PARP4: variants seen among roughly 807,000 people sequenced by gnomAD.
The protein encoded by PARP4 is protein mono-ADP-ribosyltransferase PARP4.
In PARP4, 120 loss-of-function variants were observed where a neutral mutation model predicts 187.7. That is an observed-to-expected ratio of 0.64 (90% CI 0.55 to 0.74). The LOEUF (loss-of-function observed/expected upper bound fraction) is 0.74, where lower values mean the gene tolerates loss of function less well. PARP4 is among the 30% of genes least tolerant of loss of function. The probability of loss-of-function intolerance (pLI) is 0.00; values close to 1 mark genes in which losing one functional copy is unlikely to be tolerated. For missense variants in PARP4, 1,836 were observed against 2,070.5 expected (o/e 0.89, Z 2.20); for synonymous variants, 654 against 740.9 (o/e 0.88, Z 1.90).
chr13:24,436,869 T>G (rs1870664201), intron 30 of PARP4, among the ~76,000 whole-genome samples: 1 of 152,198 alleles, frequency 6.6e-6, no homozygotes, highest in South Asian at 2.1e-4. Flanking sequence ...CTCAGTCAAA[T>G]TTCAAGTTTA....
intron 3 of PARP4, 33 bp downstream of exon 3, chr13:24,501,600 T>C (rs1382964957): frequency 3.4e-6 from 5 of 1,450,430 alleles, no homozygotes; most frequent in Non-Finnish European, 2.9e-6. Flanking sequence ...ATGGCACCTA[T>C]GATACGTTAA....
intron 11 of PARP4, 94 bp from the exon 12 acceptor site, chr13:24,484,842 C>G (rs1316521364): frequency 1.3e-6 from 1 of 763,494 alleles, no homozygotes; most frequent in African/African-American, 1.7e-5. Flanking sequence ...GAACTTCTGG[C>G]ATTCAGAGAA....
Position 24,459,366 on chromosome 13 carries a change from G to A in PARP4, c.2299-56C>T, listed in dbSNP as rs538831009. 1.9e-4 allele frequency: 271 copies of A among 1,427,966 alleles called. No individual in the cohort carries two copies. The African/African-American group carries it at 3.6e-3, about 19-fold the overall frequency. The allele number at this position is 1,427,966 out of a possible 1,614,324, so 88.5% of individuals were successfully genotyped here. ...AAGCATATATTAAGTTTCACAATGA[G>A]ACTAAAGTGAATGTAATCTTGGCAA... is the stretch of plus-strand genomic sequence containing the variant. On this transcript the variant is annotated intron_variant, in intron 18 of 33. Coordinates refer to ENST00000381989, the MANE Select transcript of PARP4 (RefSeq NM_006437.4).
At position 24,468,030 on chromosome 13, in the gene PARP4, C is replaced by T. The variant is rs563007301; in HGVS notation, c.2133+994G>A. Among the ~76,000 whole-genome samples, 5 of 152,250 alleles carry T rather than the reference C, an allele frequency of 3.3e-5. No individual in the cohort carries two copies. In the South Asian group the frequency reaches 1.0e-3, roughly 32 times the overall value. On this transcript the variant is annotated intron_variant, in intron 17 of 33. Transcript: ENST00000381989. ...TGTCTATATTAATCTTGAATGTGCC[C>T]CTAGCCCCAGCAAACATTAAATTTT...
Position 24,435,108 on chromosome 13 carries a change from G to A in PARP4, c.4033C>T (p.Arg1345Cys), listed in dbSNP as rs773881464. ...GCTGAACCGAAACTAGCTACCTGAC[G>A]ATATGAGGCAAAAGACAAGGAAGCA... ...SPASLSFASY[R>C]QVASFGSAAP... is the part of the protein sequence containing the mutation. Residue 1345 changes from arginine (R) to cysteine (C), a missense_variant, in exon 31 of 34, where the codon CGT becomes TGT. Coordinates refer to ENST00000381989, the MANE Select transcript of PARP4 (RefSeq NM_006437.4). 17 of 1,614,052 alleles carry A rather than the reference G, an allele frequency of 1.1e-5. No individual in the cohort carries two copies. Among genetic ancestry groups the A allele is most frequent in the South Asian group, 3.3e-5 (3 of 91,082 alleles).
At chr13:24,474,087 C>A (rs975150003) in intron 15 of PARP4, among the ~76,000 whole-genome samples, 1 of 152,178 alleles carries the variant, frequency 6.6e-6, no homozygotes, top group Non-Finnish European at 1.5e-5. Context: ...TGGCCCCCAA[C>A]CTGCCCTCCT....
chr13:24,426,638 T>G, intron 32 of PARP4, 40 bp from the exon 33 acceptor site: 1 of 1,580,978 alleles, frequency 6.3e-7, no homozygotes, highest in Non-Finnish European at 8.6e-7. Context: ...TTGGAAACTC[T>G]GCATCTCAAA....
At chr13:24,503,422 A>G (rs1379695537) in intron 2 of PARP4, among the ~76,000 whole-genome samples, 2 of 152,158 alleles carry the variant, frequency 1.3e-5, no homozygotes, top group African/African-American at 2.4e-5. Flanking sequence ...CAGGACATGT[A>G]GGATTGTCCT....
intron 1 of PARP4, among the ~76,000 whole-genome samples, chr13:24,510,648 C>T (rs986574363): frequency 1.3e-4 from 20 of 151,706 alleles, no homozygotes; most frequent in African/African-American, 4.6e-4. Context: ...TCATAGTTTC[C>T]CTAGAGTTGA....
Position 24,431,467 on chromosome 13 carries a change from A to G in PARP4, c.4756T>C (p.Trp1586Arg). 1 of 1,580,486 alleles carries G rather than the reference A, an allele frequency of 6.3e-7. No individual in the cohort carries two copies. The highest frequency in any genetic ancestry group is 1.2e-5 in the South Asian group (1 of 85,460). Residue 1586 changes from tryptophan (W) to arginine (R), a missense_variant, in exon 32 of 34, where the codon TGG becomes CGG. Coordinates refer to ENST00000381989, the MANE Select transcript of PARP4 (RefSeq NM_006437.4). ...AGTCCCAGTTCTGGTGTAAGTTTCCAGAAGCCATCCTACAAAATTAAGGAA... is the reference window on the plus strand; with the variant it reads ...AGTCCCAGTTCTGGTGTAAGTTTCCGGAAGCCATCCTACAAAATTAAGGAA... ...LLSLQTEDGFWKLTPELGLIL... is the reference protein window; with the variant it reads ...LLSLQTEDGFRKLTPELGLIL...
chr13:24,458,271 G>A (rs571678944), intron 20 of PARP4, among the ~76,000 whole-genome samples: 16 of 152,122 alleles, frequency 1.1e-4, no homozygotes, highest in South Asian at 4.2e-4. Flanking sequence ...CACCACACCC[G>A]GCTAATTTTT....
chr13:24,504,307 CTTTTTTTTTT>C (rs11434017), intron 1 of PARP4, among the ~76,000 whole-genome samples: 21 of 87,356 alleles, frequency 2.4e-4, no homozygotes, highest in Admixed American at 3.3e-4. Context: ...CATTTAGGTT[CTTTTTTTTTT>C]TTTTTTTTTT....
Position 24,453,606 on chromosome 13 carries a change from A to G in PARP4, c.2807T>C (p.Met936Thr), listed in dbSNP as rs4770684. The G allele has an allele frequency of 0.96, 1,544,659 of 1,602,430 alleles. 745,086 individuals carry two copies. Among genetic ancestry groups the G allele is most frequent in the East Asian group, 0.99 (44,214 of 44,758 alleles). The change falls in exon 23 of 34, where the codon ATG becomes ACG. Residue 936 changes from methionine (M) to threonine (T), a missense_variant. Met to Thr is a moderately conservative substitution (Grantham distance 81, BLOSUM62 -1). This residue lies in a region of PARP4 where 1,147 missense variants were observed against 1,214.2 expected (regional missense o/e 0.94). Transcript: ENST00000381989. ...SYPKHITSNT[M>T]AAEFIMSATP... is the part of the protein sequence containing the mutation. ...ACTCACCATGATGAACTCTGCTGCC[A>G]TGGTATTGCTTGTGATATGCTTAGG...
intron 32 of PARP4, 57 bp downstream of exon 32, chr13:24,431,320 G>C (rs1204594972): frequency 1.1e-6 from 1 of 909,868 alleles, no homozygotes; most frequent in African/African-American, 1.7e-5. Context: ...ACAATTAGGA[G>C]CATGCTTATT....
chr13:24,424,891 G>T (rs1398171280), intron 33 of PARP4, among the ~76,000 whole-genome samples: 2 of 151,114 alleles, frequency 1.3e-5, no homozygotes. Flanking sequence ...CACCATGTTA[G>T]CCAAGATGGT....
Position 24,501,813 on chromosome 13 carries a change from T to G in PARP4, c.154A>C (p.Asn52His). 1 of 1,609,900 alleles carries G rather than the reference T, an allele frequency of 6.2e-7. No homozygotes were observed. Among genetic ancestry groups the G allele is most frequent in the Non-Finnish European group, 8.5e-7 (1 of 1,176,222 alleles). Reference protein sequence around the residue: ...NPQCTHIILDNADVLSQYQLN... With the variant: ...NPQCTHIILDHADVLSQYQLN... ...TGGTACTGACTCAGAACATCAGCATTATCTAAGATTATATGTGTGCACTAA... is the reference window on the plus strand; with the variant it reads ...TGGTACTGACTCAGAACATCAGCATGATCTAAGATTATATGTGTGCACTAA... Residue 52 changes from asparagine (N) to histidine (H), a missense_variant, in exon 3 of 34, where the codon AAT becomes CAT. Asn to His is a moderately conservative substitution (Grantham distance 68). Coordinates refer to ENST00000381989, the MANE Select transcript of PARP4 (RefSeq NM_006437.4).
At chr13:24,465,242 G>C (rs181002374) in intron 17 of PARP4, among the ~76,000 whole-genome samples, 2 of 152,142 alleles carry the variant, frequency 1.3e-5, no homozygotes, top group Non-Finnish European at 2.9e-5. Context: ...CTTCCTCAAA[G>C]ACCTAGAACC....
chr13:24,506,644 G>A (rs1326510799), intron 1 of PARP4, among the ~76,000 whole-genome samples: 1 of 152,152 alleles, frequency 6.6e-6, no homozygotes, highest in Non-Finnish European at 1.5e-5. Flanking sequence ...GTTGATTGGT[G>A]TGTTTACAAA....
intron 24 of PARP4, among the ~76,000 whole-genome samples, chr13:24,451,044 T>A (rs1871490525): frequency 6.6e-6 from 1 of 152,100 alleles, no homozygotes; most frequent in African/African-American, 2.4e-5. Flanking sequence ...CCTGACCTCA[T>A]CACACTCCCT....
Sources: allele counts gnomAD v4.1 joint callset (sites outside exome capture counted in the v4.1 genomes callset), GRCh38; gene constraint gnomAD v4.1.1; regional missense constraint gnomAD v4.1.1; transcripts MANE v1.5; gene names NCBI Gene and HGNC (gene_info 2026-07-23, HGNC 2026-07-21).